DOP1B: variants seen among roughly 807,000 people sequenced by gnomAD.
The protein encoded by DOP1B is protein DOP1B.
A neutral mutation model predicts 233.5 loss-of-function variants in DOP1B; 174 were observed. That is an observed-to-expected ratio of 0.75 (90% CI 0.66 to 0.85). DOP1B has a LOEUF of 0.85. DOP1B is among the 40% of genes least tolerant of loss of function. The pLI, the probability that DOP1B is intolerant of heterozygous loss-of-function variation, is 0.00. For synonymous variants in DOP1B, 1,190 were observed against 1,185.6 expected (o/e 1.00, Z -0.08); for missense variants, 2,652 against 2,846.6 (o/e 0.93, Z 1.56).
At chr21:36,160,477 C>CTTT (rs5843748) in intron 1 of DOP1B, among the ~76,000 whole-genome samples, 15 of 122,796 alleles carry the variant, frequency 1.2e-4, no homozygotes, top group South Asian at 2.6e-4. Flanking sequence ...TTTAAGTTTT[C>CTTT]TTTTTTTTTT....
chr21:36,214,665 A>C, intron 9 of DOP1B, 109 bp downstream of exon 9: 1 of 999,130 alleles, frequency 1.0e-6, no homozygotes, highest in Non-Finnish European at 1.5e-6. Flanking sequence ...ATATAATTTA[A>C]TATTTGGAAT....
At chr21:36,169,458 G>T in intron 2 of DOP1B, 1 of 1,084,640 alleles carries the variant, frequency 9.2e-7, no homozygotes, top group Non-Finnish European at 1.4e-6. Context: ...TGGGTCTTGT[G>T]GGGCAGCTTC....
At chr21:36,209,559 C>T (rs2066468715) in intron 5 of DOP1B, among the ~76,000 whole-genome samples, 2 of 152,254 alleles carry the variant, frequency 1.3e-5, no homozygotes, top group Middle Eastern at 3.4e-3. Flanking sequence ...TCCTGTGTCA[C>T]GGGGGCCACT....
At chr21:36,283,155 C>G (rs1454258701) in intron 32 of DOP1B, among the ~76,000 whole-genome samples, 5 of 151,718 alleles carry the variant, frequency 3.3e-5, no homozygotes, top group Non-Finnish European at 7.4e-5. Flanking sequence ...AGTCTCGCCT[C>G]ATTGAAACCT....
intron 2 of DOP1B, among the ~76,000 whole-genome samples, chr21:36,196,940 AT>A (rs796111771): frequency 0.073 from 10,394 of 142,546 alleles, 337 homozygotes; most frequent in Non-Finnish European, 0.08. Flanking sequence ...GTTATATCTG[AT>A]TTTTTTTTTT....
intron 32 of DOP1B, among the ~76,000 whole-genome samples, chr21:36,286,889 G>A (rs758266803): frequency 3.3e-5 from 5 of 151,868 alleles, no homozygotes; most frequent in Non-Finnish European, 5.9e-5. Flanking sequence ...GCTTGAACCC[G>A]GGAGGCGGAG....
intron 2 of DOP1B, among the ~76,000 whole-genome samples, chr21:36,177,573 G>A (rs892427860): frequency 1.3e-5 from 2 of 152,132 alleles, no homozygotes; most frequent in Admixed American, 6.5e-5. Flanking sequence ...GGTTGGGGGG[G>A]CCTTTAAAAG....
rs2067415031 is a variant in DOP1B at position 36,281,464 on chromosome 21, A to G, written c.6032-19A>G. On this transcript the variant is annotated intron_variant, in intron 31 of 36. Transcript: ENST00000691173. ...TTGTGGTTTTCTCACTAAGTAAAAC[A>G]TTGCTGTATTTATTCTAGACATGCA... 1.3e-6 allele frequency: 2 copies of G among 1,571,866 alleles called. No individual in the cohort carries two copies. Among genetic ancestry groups the G allele is most frequent in the East Asian group, 2.3e-5 (1 of 43,884 alleles).
intron 28 of DOP1B, among the ~76,000 whole-genome samples, chr21:36,277,662 T>G (rs1417600080): frequency 6.6e-6 from 1 of 151,536 alleles, no homozygotes; most frequent in Non-Finnish European, 1.5e-5. Flanking sequence ...CTGTTTTCTT[T>G]TTTTGAGATG....
rs749416990 is a variant in DOP1B, at chr21:36,211,964, C to T, written c.781-10C>T. ...TTCCCTTGCAGTAAATTTCTCTGTC[C>T]TTCTAATAGGATTCCAATGAGAGAG... On this transcript the variant is annotated splice_polypyrimidine_tract_variant and intron_variant, in intron 6 of 36. Coordinates refer to ENST00000691173, the MANE Select transcript of DOP1B (RefSeq NM_001320714.2). 4 of 1,613,614 alleles carry T rather than the reference C, an allele frequency of 2.5e-6. No individual in the cohort carries two copies. The highest frequency in any genetic ancestry group is 2.7e-5 in the African/African-American group (2 of 74,870).
chr21:36,198,019 CAA>C (rs59815539), intron 2 of DOP1B, among the ~76,000 whole-genome samples: 18 of 108,362 alleles, frequency 1.7e-4, no homozygotes, highest in African/African-American at 1.7e-4. Flanking sequence ...GACTCCGTCT[CAA>C]AAAAAAAAAA....
chr21:36,176,277 G>A (rs1218745192), intron 2 of DOP1B, among the ~76,000 whole-genome samples: 4 of 152,086 alleles, frequency 2.6e-5, no homozygotes, highest in Non-Finnish European at 5.9e-5. Context: ...GGCCCTTTCA[G>A]CCTTCCTCCC....
chr21:36,195,547 A>G (rs2066281854), intron 2 of DOP1B, among the ~76,000 whole-genome samples: 1 of 152,146 alleles, frequency 6.6e-6, no homozygotes. Context: ...AAATCAAAAC[A>G]TGATAAACAT....
chr21:36,223,722 A>G (rs551041765), intron 11 of DOP1B, among the ~76,000 whole-genome samples: 128 of 152,232 alleles, frequency 8.4e-4, no homozygotes, highest in African/African-American at 2.9e-3. Flanking sequence ...TGTTTTTGAA[A>G]CTCTTGCTGA....
At chr21:36,263,127 G>A (rs2067192210) in intron 24 of DOP1B, among the ~76,000 whole-genome samples, 2 of 151,514 alleles carry the variant, frequency 1.3e-5, no homozygotes, top group Middle Eastern at 3.4e-3. Context: ...CCAGCTATTC[G>A]GGAGGCTGAG....
At chr21:36,187,203 TC>T (rs1194318781) in intron 2 of DOP1B, among the ~76,000 whole-genome samples, 1 of 138,188 alleles carries the variant, frequency 7.2e-6, no homozygotes, top group South Asian at 2.5e-4. Flanking sequence ...TCCCCTCCCC[TC>T]CCTTCCCCTC....
rs149121154 is a variant in DOP1B, at chr21:36,279,971, G to A, written c.5970-314G>A. ...GCTCACCACAACCTCCACCTCCCGG[G>A]TTCAAGCGATTCTCCTGCCTCAGCC... On this transcript the variant is annotated intron_variant, in intron 30 of 36. Transcript: ENST00000691173. Among the ~76,000 whole-genome samples, 1,260 of 152,264 alleles carry A rather than the reference G, an allele frequency of 8.3e-3. 10 individuals carry two copies. The highest frequency in any genetic ancestry group is 0.013 in the Non-Finnish European group (914 of 68,020).
chr21:36,278,315 C>A lies in DOP1B; in HGVS notation c.5929C>A (p.Leu1977Ile). The change falls in exon 30 of 37, where the codon CTC becomes ATC. Residue 1977 changes from leucine (L) to isoleucine (I), a missense_variant. Leu to Ile is a conservative substitution (Grantham distance 5). This residue lies in a region of DOP1B where 2,617 missense variants were observed against 2,794.3 expected (regional missense o/e 0.94). Coordinates refer to ENST00000691173, the MANE Select transcript of DOP1B (RefSeq NM_001320714.2). ...GAGGAAGGAGGTCCTGGAGCTGTTT[C>A]TCGACCCCGCTTTCTTTCAGATGGA... Reference protein sequence around the residue: ...AWRKEVLELFLDPAFFQMDTS... With the variant: ...AWRKEVLELFIDPAFFQMDTS... 6.2e-7 allele frequency: 1 copy of A among 1,613,970 alleles called. No homozygotes were observed. Among genetic ancestry groups the A allele is most frequent in the East Asian group, 2.2e-5 (1 of 44,878 alleles).
chr21:36,172,760 AT>A (rs1568998912), intron 2 of DOP1B, among the ~76,000 whole-genome samples: 2 of 152,046 alleles, frequency 1.3e-5, no homozygotes, highest in East Asian at 3.9e-4. Context: ...AAAAAAAGGA[AT>A]TTTTTTAAGG....
Sources: gnomAD v4.1 joint callset for allele counts (sites outside exome capture counted in the v4.1 genomes callset) on GRCh38, gnomAD v4.1.1 for gene constraint, gnomAD v4.1.1 regional missense constraint, MANE v1.5 for transcripts, NCBI Gene and HGNC (gene_info 2026-07-23, HGNC 2026-07-21) for gene names.